SMCO4: variants seen among roughly 807,000 people sequenced by gnomAD.
SMCO4 encodes the protein single-pass membrane protein with coiled-coil domains 4.
A neutral mutation model predicts 3.6 loss-of-function variants in SMCO4; 4 were observed. The ratio of observed to expected loss-of-function variants is 1.11; its 90% CI spans 0.54 to 2.53. The LOEUF (loss-of-function observed/expected upper bound fraction) is 2.53. Ranked by LOEUF, SMCO4 falls within the 30% of genes most tolerant of loss-of-function variation. The pLI, the probability that SMCO4 is intolerant of heterozygous loss-of-function variation, is 0.02. For missense variants in SMCO4, 70 were observed against 80.8 expected (o/e 0.87, Z 0.51); for synonymous variants, 36 against 35.3 (o/e 1.02, Z -0.07).
At chr11:93,510,563 G>C (rs1948947661) in intron 1 of SMCO4, among the ~76,000 whole-genome samples, 1 of 152,196 alleles carries the variant, frequency 6.6e-6, no homozygotes, top group Non-Finnish European at 1.5e-5. Context: ...ATGTAGGCTT[G>C]TATGCTGTTA....
At chr11:93,504,244 C>T (rs1948877213) in intron 1 of SMCO4, among the ~76,000 whole-genome samples, 1 of 152,204 alleles carries the variant, frequency 6.6e-6, no homozygotes, top group African/African-American at 2.4e-5. Flanking sequence ...AATCTCAGAG[C>T]AACACCAAAA....
At chr11:93,553,741 T>G in the SMCO4 span, among the ~76,000 whole-genome samples, 4 of 152,244 alleles carry the variant, frequency 2.6e-5, no homozygotes, top group African/African-American at 9.6e-5. Context: ...TCTGTATGCT[T>G]TAGTTTCTTC....
At chr11:93,510,967 C>A (rs1047242530) in intron 1 of SMCO4, among the ~76,000 whole-genome samples, 10 of 152,140 alleles carry the variant, frequency 6.6e-5, no homozygotes, top group African/African-American at 2.4e-4. Context: ...GGTATGGTGG[C>A]AGGCACCTGT....
chr11:93,481,307 C>T (rs1948589300), intron 2 of SMCO4: 1 of 324,102 alleles, frequency 3.1e-6, no homozygotes, highest in African/African-American at 2.2e-5. Flanking sequence ...GTACCCAGAG[C>T]TCTGCCCGCC....
upstream of SMCO4, among the ~76,000 whole-genome samples, chr11:93,545,514 G>A (rs1949308976): frequency 7.0e-6 from 1 of 143,366 alleles, no homozygotes; most frequent in Admixed American, 7.5e-5. Context: ...CCTGAACCCA[G>A]AAGGCGGAGG....
In SMCO4 at chr11:93,505,410, A is replaced by G. The variant is rs115382722; in HGVS notation, c.-153-6062T>C. 8.3e-3 allele frequency among the ~76,000 whole-genome samples: 1,261 copies of G among 152,252 alleles called. 13 individuals are homozygous for G. Among genetic ancestry groups the G allele is most frequent in the African/African-American group, 0.029 (1,196 of 41,516 alleles). On this transcript the variant is annotated intron_variant, in intron 1 of 2. Transcript: ENST00000298966. ...TTTTCACTTGCTATTGTATTACCCA[A>G]CCTAGCAGTGTCTAACTTTAAGAAG... is the stretch of plus-strand genomic sequence containing the variant.
the SMCO4 span, among the ~76,000 whole-genome samples, chr11:93,549,615 A>ACTTG: frequency 7.6e-6 from 1 of 131,234 alleles, no homozygotes; most frequent in Non-Finnish European, 1.7e-5. Context: ...TGCTTAACTA[A>ACTTG]TTTATTTATT....
chr11:93,529,307 T>G (rs1351202960), intron 1 of SMCO4, among the ~76,000 whole-genome samples: 2 of 152,184 alleles, frequency 1.3e-5, no homozygotes, highest in African/African-American at 4.8e-5. Flanking sequence ...AACTTTCATT[T>G]TGGATGGGTG....
chr11:93,483,316 C>A (rs1170109570), intron 2 of SMCO4, among the ~76,000 whole-genome samples: 1 of 152,188 alleles, frequency 6.6e-6, no homozygotes, highest in Admixed American at 6.5e-5. Context: ...CACCATGGCT[C>A]TGGGCCCAGG....
intron 1 of SMCO4, among the ~76,000 whole-genome samples, chr11:93,508,481 C>T (rs1253880778): frequency 2.0e-5 from 3 of 152,012 alleles, no homozygotes; most frequent in Admixed American, 6.6e-5. Flanking sequence ...TATAAAAGAG[C>T]AGGAAGAGAA....
At chr11:93,542,114 G>GGA (rs1555080842) in intron 1 of SMCO4, among the ~76,000 whole-genome samples, 5 of 148,516 alleles carry the variant, frequency 3.4e-5, no homozygotes, top group Non-Finnish European at 6.0e-5. Context: ...TTGTAAAGGG[G>GGA]AAAAAAAAAA....
chr11:93,506,051 G>C (rs145568438), intron 1 of SMCO4, among the ~76,000 whole-genome samples: 2 of 152,034 alleles, frequency 1.3e-5, no homozygotes, highest in South Asian at 4.1e-4. Flanking sequence ...ATATACACAC[G>C]TGTGCATTTA....
At chr11:93,530,134 T>A (rs143583681) in intron 1 of SMCO4, among the ~76,000 whole-genome samples, 2 of 152,338 alleles carry the variant, frequency 1.3e-5, no homozygotes, top group African/African-American at 4.8e-5. Context: ...CACACTGACC[T>A]TGGCATTTTC....
intron 1 of SMCO4, among the ~76,000 whole-genome samples, chr11:93,537,663 C>A (rs1565391655): frequency 6.6e-6 from 1 of 152,018 alleles, no homozygotes; most frequent in Non-Finnish European, 1.5e-5. Context: ...GGCAGAAATG[C>A]TCTTCTCCCA....
intron 1 of SMCO4, among the ~76,000 whole-genome samples, chr11:93,533,794 T>G (rs1345861341): frequency 6.6e-6 from 1 of 152,206 alleles, no homozygotes; most frequent in Non-Finnish European, 1.5e-5. Flanking sequence ...CACCCTCATC[T>G]GCCCCGACAG....
chr11:93,515,284 G>A (rs1948998781), intron 1 of SMCO4, among the ~76,000 whole-genome samples: 1 of 152,170 alleles, frequency 6.6e-6, no homozygotes, highest in Non-Finnish European at 1.5e-5. Context: ...CCAATGATGT[G>A]CAGAACAATC....
intron 1 of SMCO4, among the ~76,000 whole-genome samples, chr11:93,519,929 A>G (rs1194675369): frequency 6.6e-6 from 1 of 152,236 alleles, no homozygotes; most frequent in Non-Finnish European, 1.5e-5. Flanking sequence ...AGAAAAAAAT[A>G]TAAAACCATG....
rs185892973 is a variant in SMCO4 at position 93,534,738 on chromosome 11, C to T, written c.-154+8538G>A. Among the ~76,000 whole-genome samples the T allele has an allele frequency of 5.1e-3, 779 of 152,316 alleles. 9 individuals are homozygous for T. The highest frequency in any genetic ancestry group is 0.01 in the Middle Eastern group (3 of 294). On this transcript the variant is annotated intron_variant, in intron 1 of 2. Transcript: ENST00000298966. The stretch of plus-strand genomic sequence containing the variant: ...GTAAAGGACTCTGTGGTCCAGTAAG[C>T]CAGGGCTTTCCGAAGCCCACTGTGT...
chr11:93,550,857 C>T, the SMCO4 span, among the ~76,000 whole-genome samples: 1 of 152,174 alleles, frequency 6.6e-6, no homozygotes, highest in East Asian at 1.9e-4. Flanking sequence ...ATTACCTTAA[C>T]TTTCAAACCT....
Sources: allele counts gnomAD v4.1 joint callset (sites outside exome capture counted in the v4.1 genomes callset), GRCh38; gene constraint gnomAD v4.1.1; transcripts MANE v1.5; gene names NCBI Gene and HGNC (gene_info 2026-07-23, HGNC 2026-07-21).